Variants in ERC2 observed in about 807,000 individuals in gnomAD.
ERC2 encodes the protein ERC protein 2.
Under a neutral mutation model 114.8 loss-of-function variants are expected in ERC2, and 42 were observed. The observed-to-expected ratio is 0.37, with a 90% CI of 0.29 to 0.47. The LOEUF is 0.47. ERC2 is among the 20% of genes least tolerant of loss of function. The pLI, the probability that ERC2 is intolerant of heterozygous loss-of-function variation, is 0.99. For synonymous variants in ERC2, 454 were observed against 425.5 expected (o/e 1.07, Z -0.82); for missense variants, 939 against 1,150.7 (o/e 0.82, Z 2.66).
At chr3:55,859,085 A>G (rs977122973) in intron 14 of ERC2, among the ~76,000 whole-genome samples, 1 of 152,024 alleles carries the variant, frequency 6.6e-6, no homozygotes, top group Non-Finnish European at 1.5e-5. Context: ...CAAGCCCTCA[A>G]ATACTCACCC....
intron 14 of ERC2, among the ~76,000 whole-genome samples, chr3:55,863,863 A>C (rs2062133739): frequency 6.6e-6 from 1 of 151,706 alleles, no homozygotes; most frequent in Non-Finnish European, 1.5e-5. Context: ...CTCATAGCAC[A>C]TCTCAATTGT....
rs527794675 is a variant in ERC2, at chr3:55,760,500, C to T, written c.2565-25582G>A. On this transcript the variant is annotated intron_variant, in intron 14 of 17. Coordinates refer to ENST00000288221, the MANE Select transcript of ERC2 (RefSeq NM_015576.3). Reference sequence around the variant, plus strand: ...AGTAGTAAAAATTAGTTACATATTCCAGTTGCTGTTTAATGCATTATTAAA... The same window carrying T: ...AGTAGTAAAAATTAGTTACATATTCTAGTTGCTGTTTAATGCATTATTAAA... Among the ~76,000 whole-genome samples, 4 of 152,204 alleles carry T rather than the reference C, an allele frequency of 2.6e-5. No homozygotes were observed. The South Asian group carries it at 8.3e-4, about 32-fold the overall frequency.
At chr3:56,079,016 T>C (rs1235719635) in intron 7 of ERC2, among the ~76,000 whole-genome samples, 1 of 151,992 alleles carries the variant, frequency 6.6e-6, no homozygotes, top group Non-Finnish European at 1.5e-5. Context: ...AAAAGGCCTG[T>C]AACAAAGCAC....
intron 2 of ERC2, among the ~76,000 whole-genome samples, chr3:56,331,880 G>GC (rs1257048920): frequency 6.6e-6 from 1 of 152,110 alleles, no homozygotes; most frequent in Admixed American, 6.5e-5. Context: ...TAGGCAGATG[G>GC]ATAAGAAAAA....
chr3:56,417,569 G>A (rs775848916), intron 2 of ERC2, among the ~76,000 whole-genome samples: 1 of 152,090 alleles, frequency 6.6e-6, no homozygotes, highest in Non-Finnish European at 1.5e-5. Flanking sequence ...TAATTCCACT[G>A]ACTCTATAAA....
At chr3:56,011,302 T>A (rs1344485532) in intron 8 of ERC2, among the ~76,000 whole-genome samples, 1 of 152,216 alleles carries the variant, frequency 6.6e-6, no homozygotes. Flanking sequence ...GGCACTGTGA[T>A]GTGCTCTCCT....
intron 5 of ERC2, among the ~76,000 whole-genome samples, chr3:56,147,956 A>G (rs1278498112): frequency 6.6e-6 from 1 of 152,216 alleles, no homozygotes; most frequent in Non-Finnish European, 1.5e-5. Flanking sequence ...AATCTTTAAA[A>G]CTGACAATAA....
At chr3:56,446,924 G>T (rs1015979939) in intron 1 of ERC2, among the ~76,000 whole-genome samples, 1 of 152,110 alleles carries the variant, frequency 6.6e-6, no homozygotes, top group African/African-American at 2.4e-5. Flanking sequence ...ACCACACCCG[G>T]CCGAGAGTGC....
intron 1 of ERC2, among the ~76,000 whole-genome samples, chr3:56,458,473 G>C (rs555556217): frequency 1.3e-5 from 2 of 152,178 alleles, no homozygotes; most frequent in Non-Finnish European, 2.9e-5. Context: ...CAAAGCCCAT[G>C]TATAAAAAGA....
intron 3 of ERC2, among the ~76,000 whole-genome samples, chr3:56,206,660 A>G (rs2150111259): frequency 6.6e-6 from 1 of 152,342 alleles, no homozygotes; most frequent in Non-Finnish European, 1.5e-5. Context: ...CTTGTAGCAC[A>G]TATGAATATG....
intron 3 of ERC2, among the ~76,000 whole-genome samples, chr3:56,193,373 T>C (rs898035653): frequency 6.6e-6 from 1 of 152,000 alleles, no homozygotes; most frequent in African/African-American, 2.4e-5. Flanking sequence ...CAGGGAGTGG[T>C]GGCACATGCA....
intron 14 of ERC2, among the ~76,000 whole-genome samples, chr3:55,803,179 G>A (rs1373536313): frequency 6.6e-6 from 1 of 152,148 alleles, no homozygotes; most frequent in Admixed American, 6.5e-5. Context: ...TAAGCCTTGA[G>A]TGTTGATAAT....
At chr3:55,735,293 T>G (rs1224973382) in intron 14 of ERC2, among the ~76,000 whole-genome samples, 1 of 152,240 alleles carries the variant, frequency 6.6e-6, no homozygotes, top group South Asian at 2.1e-4. Flanking sequence ...CAAAGTAATG[T>G]CTGAGACTGC....
intron 12 of ERC2, among the ~76,000 whole-genome samples, chr3:55,970,640 T>G (rs2149484427): frequency 6.6e-6 from 1 of 152,218 alleles, no homozygotes; most frequent in East Asian, 1.9e-4. Flanking sequence ...CACAATGAGA[T>G]ACCACTTCAT....
At chr3:55,952,179 ACTCTCTC>A (rs2067611707) in intron 12 of ERC2, among the ~76,000 whole-genome samples, 1 of 62,108 alleles carries the variant, frequency 1.6e-5, no homozygotes, top group Admixed American at 1.9e-4. Flanking sequence ...ACACACACAC[ACTCTCTC>A]TCTCTCTCTC....
intron 6 of ERC2, among the ~76,000 whole-genome samples, chr3:56,105,351 C>G (rs2078596071): frequency 6.6e-6 from 1 of 151,252 alleles, no homozygotes; most frequent in Non-Finnish European, 1.5e-5. Flanking sequence ...GTTGCCCAAG[C>G]TAGAGTACAT....
chr3:56,417,645 C>T (rs908464428), intron 2 of ERC2, among the ~76,000 whole-genome samples: 3 of 152,144 alleles, frequency 2.0e-5, no homozygotes, highest in Non-Finnish European at 4.4e-5. Flanking sequence ...GAAACAAGTG[C>T]AGAGAGATAA....
chr3:55,514,355 C>T (rs571075628), intron 17 of ERC2, among the ~76,000 whole-genome samples: 8 of 152,250 alleles, frequency 5.3e-5, no homozygotes, highest in South Asian at 4.2e-4. Flanking sequence ...CGTGATTGTG[C>T]CACTCCAGCC....
chr3:56,172,904 G>A (rs1467562440), intron 4 of ERC2, among the ~76,000 whole-genome samples: 11 of 152,114 alleles, frequency 7.2e-5, no homozygotes, highest in African/African-American at 2.7e-4. Flanking sequence ...TGCCTGCACA[G>A]CTAAATAGGA....
Sources: gnomAD v4.1 joint callset for allele counts (sites outside exome capture counted in the v4.1 genomes callset) on GRCh38, gnomAD v4.1.1 for gene constraint, MANE v1.5 for transcripts, NCBI Gene and HGNC (gene_info 2026-07-23, HGNC 2026-07-21) for gene names.